NPR3: variants seen among roughly 807,000 people sequenced by gnomAD.
NPR3 encodes the protein natriuretic peptide receptor 3, also known as atrial natriuretic peptide receptor 3.
NPR3 carries 34 observed loss-of-function variants against 54.5 expected under a neutral mutation model. The observed-to-expected ratio is 0.62, with a 90% CI of 0.47 to 0.83. The LOEUF is 0.83. Ranked by LOEUF, NPR3 falls within the 40% of genes least tolerant of loss-of-function variation. The pLI, the probability that NPR3 is intolerant of heterozygous loss-of-function variation, is 0.00. For synonymous variants in NPR3, 289 were observed against 297.1 expected, an observed-to-expected ratio of 0.97 and a Z score of 0.28; for missense variants, 674 against 720.8, an observed-to-expected ratio of 0.94 and a Z score of 0.74.
upstream of NPR3, among the ~76,000 whole-genome samples, chr5:32,708,758 C>G (rs567625842): frequency 6.6e-6 from 1 of 152,126 alleles, no homozygotes; most frequent in Non-Finnish European, 1.5e-5. Context: ...TAAACAAACC[C>G]GTAACTTTGA....
chr5:32,779,136 C>G (rs1742212381), intron 4 of NPR3, among the ~76,000 whole-genome samples: 2 of 152,194 alleles, frequency 1.3e-5, no homozygotes, highest in South Asian at 4.1e-4. Flanking sequence ...AACCCACATA[C>G]ATGCCCTCTC....
chr5:32,729,035 G>GTTT (rs57033344), intron 2 of NPR3, among the ~76,000 whole-genome samples: 2 of 79,594 alleles, frequency 2.5e-5, no homozygotes, highest in African/African-American at 5.2e-5. Flanking sequence ...TTTTTGTTTT[G>GTTT]TTTTTTTTTT....
chr5:32,756,830 A>T (rs547694227), intron 3 of NPR3, among the ~76,000 whole-genome samples: 1 of 152,358 alleles, frequency 6.6e-6, no homozygotes, highest in African/African-American at 2.4e-5. Context: ...ATGGCTAGCC[A>T]GTTTTCCCAG....
intron 3 of NPR3, among the ~76,000 whole-genome samples, chr5:32,751,299 A>G (rs1461192689): frequency 6.6e-6 from 1 of 152,162 alleles, no homozygotes; most frequent in African/African-American, 2.4e-5. Context: ...ATATTTGAGG[A>G]TATAAACTTG....
chr5:32,773,623 C>A (rs565262766), intron 3 of NPR3, among the ~76,000 whole-genome samples: 2 of 152,120 alleles, frequency 1.3e-5, no homozygotes, highest in African/African-American at 2.4e-5. Flanking sequence ...TAACTCAGTT[C>A]GACTTTTTTT....
chr5:32,733,496 A>G (rs1739573199), intron 2 of NPR3, among the ~76,000 whole-genome samples: 1 of 152,242 alleles, frequency 6.6e-6, no homozygotes, highest in South Asian at 2.1e-4. Context: ...GATCCTGTCT[A>G]GAACTGCTAT....
intron 4 of NPR3, among the ~76,000 whole-genome samples, chr5:32,776,640 A>G (rs890254004): frequency 3.3e-5 from 5 of 152,204 alleles, no homozygotes; most frequent in Admixed American, 2.0e-4. Context: ...CCTTGCAGAT[A>G]TCAACTCTAT....
At chr5:32,760,269 T>G (rs10053636) in intron 3 of NPR3, among the ~76,000 whole-genome samples, 1 of 152,016 alleles carries the variant, frequency 6.6e-6, no homozygotes. Flanking sequence ...GATGCAAGTT[T>G]AACTTTATAA....
At chr5:32,734,983 A>T (rs1739652863) in intron 2 of NPR3, among the ~76,000 whole-genome samples, 1 of 152,036 alleles carries the variant, frequency 6.6e-6, no homozygotes, top group African/African-American at 2.4e-5. Context: ...TGCCCACTAA[A>T]AATAGCATCC....
intron 3 of NPR3, among the ~76,000 whole-genome samples, chr5:32,771,976 T>C (rs1741785011): frequency 6.6e-6 from 1 of 151,708 alleles, no homozygotes; most frequent in South Asian, 2.1e-4. Flanking sequence ...AAAAGTGAAC[T>C]GAGAATGAAA....
rs1293882663 is a variant in NPR3 at position 32,785,172 on chromosome 5, G to C, written c.1514+289G>C. ...TTTTTTTTTTTTTTTTTTTTGAGAC[G>C]GAGTCTCAGTCCCCCTGTTACCCAG... On this transcript the variant is annotated intron_variant, in intron 7 of 7. Transcript: ENST00000265074. Among the ~76,000 whole-genome samples the C allele has an allele frequency of 2.4e-5, 3 of 123,762 alleles. No homozygotes were observed. The East Asian group carries it at 7.0e-4, about 29-fold the overall frequency. The allele number at this position is 123,762 out of a possible 152,430, so 81.2% of individuals were successfully genotyped here. A position where few individuals can be genotyped will look rare whatever the true frequency, so the allele number is the denominator to read the frequency against.
At chr5:32,763,800 G>A (rs987067962) in intron 3 of NPR3, among the ~76,000 whole-genome samples, 1 of 151,990 alleles carries the variant, frequency 6.6e-6, no homozygotes, top group Non-Finnish European at 1.5e-5. Flanking sequence ...TGGATGTTGT[G>A]GATATTATGT....
chr5:32,704,308 A>G (rs1462829414), intron 1 of NPR3, among the ~76,000 whole-genome samples: 1 of 152,010 alleles, frequency 6.6e-6, no homozygotes, highest in Non-Finnish European at 1.5e-5. Flanking sequence ...ATATGAAATG[A>G]AAACCAGGTA....
At chr5:32,738,198 T>A (rs937461790) in intron 2 of NPR3, among the ~76,000 whole-genome samples, 2 of 152,178 alleles carry the variant, frequency 1.3e-5, no homozygotes, top group African/African-American at 4.8e-5. Context: ...GCAGGTTTGT[T>A]ACATAGGTAT....
intron 3 of NPR3, among the ~76,000 whole-genome samples, chr5:32,746,236 G>A (rs1034390895): frequency 2.0e-4 from 30 of 152,308 alleles, no homozygotes; most frequent in African/African-American, 7.2e-4. Flanking sequence ...AGCTCGTTAG[G>A]TGGATGTTTT....
intron 1 of NPR3, among the ~76,000 whole-genome samples, chr5:32,695,273 C>CT (rs1052733314): frequency 3.5e-4 from 53 of 151,376 alleles, no homozygotes; most frequent in African/African-American, 8.7e-4. Flanking sequence ...GTTTTCTTTT[C>CT]TTTTTTTTTG....
At chr5:32,701,926 A>G (rs1318286524) in intron 1 of NPR3, among the ~76,000 whole-genome samples, 1 of 152,228 alleles carries the variant, frequency 6.6e-6, no homozygotes, top group Non-Finnish European at 1.5e-5. Flanking sequence ...GAATGCTGAC[A>G]TAAGTATCTC....
chr5:32,739,468 T>A (rs568021279), intron 3 of NPR3, among the ~76,000 whole-genome samples: 1 of 152,302 alleles, frequency 6.6e-6, no homozygotes, highest in East Asian at 1.9e-4. Flanking sequence ...AGGATACATT[T>A]TCTTTTGGCA....
chr5:32,706,179 G>A (rs1402179903), upstream of NPR3, among the ~76,000 whole-genome samples: 1 of 152,160 alleles, frequency 6.6e-6, no homozygotes, highest in African/African-American at 2.4e-5. Flanking sequence ...AGCATGTGAG[G>A]TGCCTGCTCC....
Sources: allele counts gnomAD v4.1 joint callset (sites outside exome capture counted in the v4.1 genomes callset), GRCh38; gene constraint gnomAD v4.1.1; transcripts MANE v1.5; gene names NCBI Gene and HGNC (gene_info 2026-07-23, HGNC 2026-07-21).